The following SIPA1L3 variants were observed in gnomAD, a reference collection of about 807,000 sequenced individuals.
SIPA1L3 encodes the protein signal-induced proliferation-associated 1-like protein 3.
Under a neutral mutation model 150.1 loss-of-function variants are expected in SIPA1L3, and 59 were observed. That is an observed-to-expected ratio of 0.39 (90% CI 0.32 to 0.49). The LOEUF (loss-of-function observed/expected upper bound fraction) is 0.49. Among genes scored for constraint, SIPA1L3 ranks in the 20% least tolerant of loss-of-function variants. The pLI, the probability that SIPA1L3 is intolerant of heterozygous loss-of-function variation, is 0.86. For synonymous variants in SIPA1L3, 1,070 were observed against 1,077.6 expected, an observed-to-expected ratio of 0.99 and a Z score of 0.14; for missense variants, 2,211 against 2,489.5, an observed-to-expected ratio of 0.89 and a Z score of 2.38.
intron 1 of SIPA1L3, among the ~76,000 whole-genome samples, chr19:37,981,041 G>A (rs1424151696): frequency 6.6e-6 from 1 of 152,216 alleles, no homozygotes; most frequent in East Asian, 1.9e-4. Flanking sequence ...TCAGTTCCAA[G>A]TTGGCCACAT....
At chr19:37,984,166 C>T (rs565435309) in intron 1 of SIPA1L3, among the ~76,000 whole-genome samples, 15 of 152,192 alleles carry the variant, frequency 9.9e-5, no homozygotes, top group East Asian at 5.8e-4. Context: ...GGCGGGGCAG[C>T]GAGGCGGTTA....
At chr19:38,127,553 C>T (rs1971204857) in intron 9 of SIPA1L3, among the ~76,000 whole-genome samples, 1 of 151,914 alleles carries the variant, frequency 6.6e-6, no homozygotes, top group African/African-American at 2.4e-5. Flanking sequence ...TGCAGTGGCA[C>T]AGTCATCGCT....
intron 6 of SIPA1L3, among the ~76,000 whole-genome samples, chr19:38,105,537 C>G (rs2145868125): frequency 6.6e-6 from 1 of 152,320 alleles, no homozygotes; most frequent in South Asian, 2.1e-4. Flanking sequence ...AACCCTCCCT[C>G]CTATTAGAGA....
chr19:38,167,125 C>G (rs1047114089), intron 15 of SIPA1L3, among the ~76,000 whole-genome samples: 1 of 149,142 alleles, frequency 6.7e-6, no homozygotes, highest in Non-Finnish European at 1.5e-5. Flanking sequence ...CCCAGATACT[C>G]GGGAGGCTGA....
At chr19:38,202,020 C>T (rs766482641) in intron 20 of SIPA1L3, 23 bp downstream of exon 20, 24 of 1,593,756 alleles carry the variant, frequency 1.5e-5, no homozygotes, top group East Asian at 4.5e-5. Context: ...TGGGAACACC[C>T]GGGTTCATAC....
intron 15 of SIPA1L3, among the ~76,000 whole-genome samples, chr19:38,169,454 C>T (rs1005549523): frequency 6.6e-6 from 1 of 151,472 alleles, no homozygotes; most frequent in Non-Finnish European, 1.5e-5. Context: ...CATTCAATCC[C>T]TCCCTCAGCG....
chr19:38,109,801 C>G (rs1970699137), intron 7 of SIPA1L3: 1 of 165,038 alleles, frequency 6.1e-6, no homozygotes, highest in Non-Finnish European at 1.3e-5. Flanking sequence ...GGAAAGCCAT[C>G]TCTGCTGAGT....
At chr19:38,171,950 T>C (rs2071654384) in intron 15 of SIPA1L3, among the ~76,000 whole-genome samples, 1 of 151,968 alleles carries the variant, frequency 6.6e-6, no homozygotes, top group Non-Finnish European at 1.5e-5. Context: ...GTTGGGGAAA[T>C]CAGCAGTGGC....
Position 38,162,334 on chromosome 19 carries a change from A to T in SIPA1L3, c.3743A>T (p.Asp1248Val). Residue 1248 changes from aspartate to valine, a missense_variant, in exon 14 of 22, where the codon GAT (aspartate) becomes GTT (valine). Physicochemically the swap from Asp to Val is radical, Grantham distance 152. Transcript: ENST00000222345. The part of the protein sequence containing the change: ...SSGNKHPSRQ[D>V]AAGKDSPNRH... ...GGGAACAAGCACCCGTCCAGGCAGGATGCAGCAGGCAAAGATTCCCCCAAC... is the reference window on the plus strand; with the variant it reads ...GGGAACAAGCACCCGTCCAGGCAGGTTGCAGCAGGCAAAGATTCCCCCAAC... The T allele has an allele frequency of 1.2e-6, 2 of 1,614,216 alleles. No homozygotes were observed. Among genetic ancestry groups the T allele is most frequent in the African/African-American group, 2.7e-5 (2 of 75,074 alleles).
At chr19:38,134,907 A>G (rs1217293637) in intron 10 of SIPA1L3, among the ~76,000 whole-genome samples, 2 of 152,110 alleles carry the variant, frequency 1.3e-5, no homozygotes, top group African/African-American at 2.4e-5. Context: ...GAGGACCTGC[A>G]TGGCTGCAGC....
chr19:38,088,130 C>T (rs1970178230), intron 3 of SIPA1L3, among the ~76,000 whole-genome samples: 1 of 152,258 alleles, frequency 6.6e-6, no homozygotes, highest in African/African-American at 2.4e-5. Flanking sequence ...TGGGGATGGT[C>T]ATTGCCAACA....
chr19:38,034,899 G>A (rs35485509), intron 2 of SIPA1L3, among the ~76,000 whole-genome samples: 78,074 of 152,000 alleles, frequency 0.51, 22,438 homozygotes, highest in East Asian at 0.71. Context: ...TTTGATATGC[G>A]CCTCCCCTGC....
chr19:37,986,076 A>G (rs1967342854), intron 1 of SIPA1L3, among the ~76,000 whole-genome samples: 1 of 152,192 alleles, frequency 6.6e-6, no homozygotes, highest in Admixed American at 6.5e-5. Flanking sequence ...CAGACTGGGC[A>G]TGCTGCTTGG....
chr19:38,130,524 G>A lies in SIPA1L3; in HGVS notation c.2895G>A (p.Val965=). ...LKVMTSGWET[V]DMTLRRNGLG... ...TGATGACCAGTGGCTGGGAGACGGT[G>A]GACATGACGCTTCGGCGGAACGGGC... Residue 965 remains valine (V), a synonymous_variant, in exon 10 of 22, where the codon GTG becomes GTA. Coordinates refer to ENST00000222345, the MANE Select transcript of SIPA1L3 (RefSeq NM_015073.3). The A allele has an allele frequency of 6.2e-7, 1 of 1,612,898 alleles. No individual in the cohort carries two copies. Among genetic ancestry groups the A allele is most frequent in the Non-Finnish European group, 8.5e-7 (1 of 1,179,848 alleles).
chr19:38,083,937 G>A (rs952668549), intron 3 of SIPA1L3, among the ~76,000 whole-genome samples: 2 of 151,372 alleles, frequency 1.3e-5, no homozygotes, highest in Non-Finnish European at 2.9e-5. Context: ...ATGTTGCGGT[G>A]GGCTGAGATC....
At position 38,081,297 on chromosome 19, in the gene SIPA1L3, G is replaced by A. The variant is rs565598896; in HGVS notation, c.-269G>A. On this transcript the variant is annotated 5_prime_UTR_variant, in exon 3 of 22. Transcript: ENST00000222345. ...TCCTTGCTGCCTCCAGCTGGCGGGC[G>A]ACCACAGCTACTGCCTGCTCTGCGC... 4.2e-4 allele frequency: 178 copies of A among 421,116 alleles called. No individual in the cohort carries two copies. The highest frequency in any genetic ancestry group is 4.7e-4 in the Admixed American group (12 of 25,790). 26.1% of individuals were successfully genotyped at this position (421,116 alleles called of 1,614,324 possible). A position where few individuals can be genotyped will look rare whatever the true frequency, so the allele number is the denominator to read the frequency against.
rs1362603757 is a variant in SIPA1L3, at chr19:38,085,209, C to T, written c.1534+2110C>T. Reference sequence around the variant, plus strand: ...TAAAAAAGAAGTTCCAGGCCGGGCACGGTGGCTCACGCTTGTAATCCCAGC... The same window carrying T: ...TAAAAAAGAAGTTCCAGGCCGGGCATGGTGGCTCACGCTTGTAATCCCAGC... On this transcript the variant is annotated intron_variant, in intron 3 of 21. Coordinates refer to ENST00000222345, the MANE Select transcript of SIPA1L3 (RefSeq NM_015073.3). 3.3e-5 allele frequency among the ~76,000 whole-genome samples: 5 copies of T among 151,896 alleles called. No homozygotes were observed. In the East Asian group the frequency reaches 5.8e-4, roughly 18 times the overall value.
chr19:38,031,368 A>T (rs1314294436), intron 2 of SIPA1L3, among the ~76,000 whole-genome samples: 1 of 152,020 alleles, frequency 6.6e-6, no homozygotes, highest in South Asian at 2.1e-4. Flanking sequence ...TTGATCCCAC[A>T]TTGCATTTGG....
intron 2 of SIPA1L3, among the ~76,000 whole-genome samples, chr19:38,036,825 C>G (rs1026680671): frequency 2.0e-5 from 3 of 152,080 alleles, no homozygotes; most frequent in East Asian, 1.9e-4. Flanking sequence ...TCCCCCCACT[C>G]GCCCCATCCC....
Sources: gnomAD v4.1 joint callset for allele counts (sites outside exome capture counted in the v4.1 genomes callset) on GRCh38, gnomAD v4.1.1 for gene constraint, MANE v1.5 for transcripts, NCBI Gene and HGNC (gene_info 2026-07-23, HGNC 2026-07-21) for gene names.